The following RGS20 variants were observed in gnomAD, a reference collection of about 807,000 sequenced individuals.
The protein encoded by RGS20 is gz-selective GTPase-activating protein.
RGS20 carries 30 observed loss-of-function variants against 33.6 expected under a neutral mutation model. That is an observed-to-expected ratio of 0.89 (90% CI 0.67 to 1.21). The LOEUF is 1.21. Among genes scored for constraint, RGS20 ranks in the 50% most tolerant of loss-of-function variants. RGS20 has a pLI of 0.00. For missense variants in RGS20, 472 were observed against 502.4 expected (o/e 0.94, Z 0.58); for synonymous variants, 208 against 197.9 (o/e 1.05, Z -0.43).
chr8:53,954,055 T>C (rs779266936), intron 4 of RGS20, 21 bp from the exon 4 acceptor site: 95 of 1,537,940 alleles, frequency 6.2e-5, no homozygotes, highest in Non-Finnish European at 8.4e-5. Flanking sequence ...TTTTGCCCCC[T>C]CTCTTTTGGT....
intron 2 of RGS20, among the ~76,000 whole-genome samples, chr8:53,920,453 G>A (rs1247855924): frequency 6.6e-6 from 1 of 151,942 alleles, no homozygotes; most frequent in Non-Finnish European, 1.5e-5. Flanking sequence ...TTTTAAATAA[G>A]CAAGATCATG....
chr8:53,932,871 C>A (rs574516937), intron 2 of RGS20, among the ~76,000 whole-genome samples: 1 of 152,128 alleles, frequency 6.6e-6, no homozygotes, highest in South Asian at 2.1e-4. Flanking sequence ...CATACAGGAG[C>A]GCTCCAACTG....
At chr8:53,924,316 G>T (rs1813733320) in intron 2 of RGS20, among the ~76,000 whole-genome samples, 1 of 151,842 alleles carries the variant, frequency 6.6e-6, no homozygotes, top group Non-Finnish European at 1.5e-5. Context: ...CAGCCTCCCA[G>T]ATAGCTGGGA....
chr8:53,881,124 G>A (rs1482183482), intron 2 of RGS20, 40 bp downstream of exon 1: 16 of 1,435,404 alleles, frequency 1.1e-5, no homozygotes, highest in Admixed American at 8.1e-5. Context: ...TCTTCGTCTC[G>A]GGCTCGCCCT....
At chr8:53,887,909 A>G (rs540436338) in intron 2 of RGS20, among the ~76,000 whole-genome samples, 1 of 151,832 alleles carries the variant, frequency 6.6e-6, no homozygotes, top group African/African-American at 2.4e-5. Context: ...GCCTGGGGAC[A>G]CTGAGGTTGC....
intron 2 of RGS20, among the ~76,000 whole-genome samples, chr8:53,918,480 C>G (rs760765505): frequency 2.0e-5 from 3 of 151,902 alleles, no homozygotes; most frequent in Admixed American, 6.6e-5. Flanking sequence ...CCTCTGCCTC[C>G]CGGGTTCAAG....
At chr8:53,900,851 G>C (rs562470637) in intron 2 of RGS20, among the ~76,000 whole-genome samples, 1 of 152,250 alleles carries the variant, frequency 6.6e-6, no homozygotes, top group East Asian at 1.9e-4. Context: ...CTAGGGACCA[G>C]CTGTGGGCCA....
At chr8:53,954,541 G>C (rs960627206) in intron 5 of RGS20, among the ~76,000 whole-genome samples, 37 of 151,830 alleles carry the variant, frequency 2.4e-4, no homozygotes, top group African/African-American at 8.7e-4. Context: ...ATGGGCGCCT[G>C]TAATCCCAGC....
At chr8:53,864,532 AC>A (rs1811880252) in intron 1 of RGS20, among the ~76,000 whole-genome samples, 1 of 151,894 alleles carries the variant, frequency 6.6e-6, no homozygotes, top group African/African-American at 2.4e-5. Context: ...CCTCCCGGGA[AC>A]CCCTTGGAAT....
rs1015619026 is a variant in RGS20, at chr8:53,939,589, A to G, written c.524A>G (p.Glu175Gly). ...TCCCTCTTGCAGCAGATGGGATCAG[A>G]GCGGATGGAGATGCGGAAGCGGCAG... The change falls in exon 3 of 6, where the codon GAG (glutamate) becomes GGG (glycine). Residue 175 changes from glutamate (E) to glycine (G), a missense_variant. By Grantham distance (98) the Glu-to-Gly change is moderately conservative. This residue lies in a region of RGS20 where 319 missense variants were observed against 283.4 expected (regional missense o/e 1.13). Coordinates refer to ENST00000297313, the MANE Select transcript of RGS20 (RefSeq NM_170587.4). 1 of 1,600,452 alleles carries G rather than the reference A, an allele frequency of 6.2e-7. No homozygotes were observed. The highest frequency in any genetic ancestry group is 8.5e-7 in the Non-Finnish European group (1 of 1,173,978).
chr8:53,909,585 A>G (rs1813299636), intron 2 of RGS20, among the ~76,000 whole-genome samples: 1 of 151,906 alleles, frequency 6.6e-6, no homozygotes, highest in South Asian at 2.1e-4. Flanking sequence ...GGCTGTTATT[A>G]TAATAGTGTA....
chr8:53,855,134 G>A (rs1322179814), intron 1 of RGS20, among the ~76,000 whole-genome samples: 2 of 151,816 alleles, frequency 1.3e-5, no homozygotes, highest in African/African-American at 4.8e-5. Flanking sequence ...GGGCAATCTC[G>A]GCTCACTGCA....
intron 2 of RGS20, among the ~76,000 whole-genome samples, chr8:53,906,255 A>G (rs796753447): frequency 2.6e-5 from 4 of 152,284 alleles, no homozygotes; most frequent in African/African-American, 9.6e-5. Context: ...ACGTGCCTAC[A>G]GTCCTAGCTA....
intron 2 of RGS20, among the ~76,000 whole-genome samples, chr8:53,898,277 A>G (rs1812922578): frequency 6.6e-6 from 1 of 152,134 alleles, no homozygotes; most frequent in African/African-American, 2.4e-5. Flanking sequence ...AGGATACCAG[A>G]TGTTACCCAG....
rs1466234950 is a variant in RGS20 at position 53,948,052 on chromosome 8, A to T, written c.743+1304A>T. On this transcript the variant is annotated intron_variant, in intron 4 of 5. Transcript: ENST00000297313. ...ATATATAAGTATATATGCTATATGT[A>T]GGATATAGTATATATATTTATATAT... Among the ~76,000 whole-genome samples, 3 of 135,222 alleles carry T rather than the reference A, an allele frequency of 2.2e-5. No individual in the cohort carries two copies. The East Asian group carries it at 6.3e-4, about 28-fold the overall frequency. The allele number at this position is 135,222 out of a possible 152,430, so 88.7% of individuals were successfully genotyped here.
chr8:53,951,848 C>T (rs1814716037), intron 4 of RGS20, among the ~76,000 whole-genome samples: 1 of 151,896 alleles, frequency 6.6e-6, no homozygotes, highest in Non-Finnish European at 1.5e-5. Flanking sequence ...GAAACTCCGT[C>T]TCTACTAAAA....
chr8:53,854,865 C>T (rs919934944), intron 1 of RGS20, among the ~76,000 whole-genome samples: 5 of 152,156 alleles, frequency 3.3e-5, no homozygotes, highest in African/African-American at 7.2e-5. Flanking sequence ...CCAGAAACAA[C>T]CCAAAAGCCC....
At chr8:53,880,704 A>G (rs910738667) in intron 2 of RGS20, among the ~76,000 whole-genome samples, 168 bp from the exon 1 acceptor site, 25 of 151,718 alleles carry the variant, frequency 1.6e-4, no homozygotes, top group African/African-American at 5.8e-4. Context: ...GGGACTTGCT[A>G]ATGCGGGGCT....
chr8:53,909,428 T>G (rs550159855), intron 2 of RGS20, among the ~76,000 whole-genome samples: 78 of 151,436 alleles, frequency 5.2e-4, no homozygotes, highest in Middle Eastern at 3.4e-3. Flanking sequence ...TTGTTGTTGT[T>G]GTTGTTGAGA....
Sources: allele counts gnomAD v4.1 joint callset (sites outside exome capture counted in the v4.1 genomes callset), GRCh38; gene constraint gnomAD v4.1.1; regional missense constraint gnomAD v4.1.1; transcripts MANE v1.5; gene names NCBI Gene and HGNC (gene_info 2026-07-23, HGNC 2026-07-21).